The following CFAP61 variants were observed in gnomAD, a reference collection of about 807,000 sequenced individuals.
CFAP61 encodes the protein cilia and flagella associated protein 61, also known as cilia- and flagella-associated protein 61.
CFAP61 carries 107 observed loss-of-function variants against 135.6 expected under a neutral mutation model. The observed-to-expected ratio is 0.79, with a 90% confidence interval of 0.67 to 0.93. The LOEUF is 0.93. CFAP61 is among the 40% of genes least tolerant of loss of function. CFAP61 has a pLI of 0.00. For missense variants in CFAP61, 1,507 were observed against 1,556.2 expected (o/e 0.97, Z 0.53); for synonymous variants, 575 against 578.5 (o/e 0.99, Z 0.09).
intron 2 of CFAP61, among the ~76,000 whole-genome samples, chr20:20,064,032 A>ACCCCCCCCCCCCCCCCCCC (rs373522191): frequency 1.8e-5 from 2 of 113,222 alleles, no homozygotes; most frequent in Non-Finnish European, 3.9e-5. Context: ...AAATAGAGTA[A>ACCCCCCCCCCCCCCCCCCC]CCGCCCCCCA....
At chr20:20,333,591 C>T (rs954832072) in intron 25 of CFAP61, among the ~76,000 whole-genome samples, 1 of 152,142 alleles carries the variant, frequency 6.6e-6, no homozygotes, top group Admixed American at 6.5e-5. Context: ...GAGATCAGAG[C>T]AAGGAGAGAA....
At chr20:20,182,002 TCCAATGAGCCA>T (rs2055136904) in intron 13 of CFAP61, among the ~76,000 whole-genome samples, 3 of 152,216 alleles carry the variant, frequency 2.0e-5, no homozygotes, top group East Asian at 3.8e-4. Flanking sequence ...TTTAGGTGCA[TCCAATGAGCCA>T]CCATCTTCTG....
At chr20:20,090,688 CAAAAAAA>C (rs138798717) in intron 6 of CFAP61, among the ~76,000 whole-genome samples, 149 bp from the exon 7 acceptor site, 11 of 102,954 alleles carry the variant, frequency 1.1e-4, no homozygotes, top group East Asian at 3.0e-4. Context: ...GACTCCCTCT[CAAAAAAA>C]AAAAAAAAAA....
chr20:20,259,246 T>A (rs960418380), intron 20 of CFAP61, among the ~76,000 whole-genome samples: 3 of 12,188 alleles, frequency 2.5e-4, no homozygotes, highest in African/African-American at 4.1e-4. Flanking sequence ...CCCTTCCATC[T>A]TTTTTTTTTT....
At chr20:20,231,021 C>G (rs183525292) in intron 18 of CFAP61, among the ~76,000 whole-genome samples, 2 of 152,290 alleles carry the variant, frequency 1.3e-5, no homozygotes, top group Admixed American at 6.5e-5. Context: ...TATTTCCATG[C>G]AAGAAATTAT....
At chr20:20,169,222 A>T in intron 12 of CFAP61, 99 bp from the exon 13 acceptor site, 1 of 1,152,874 alleles carries the variant, frequency 8.7e-7, no homozygotes. Flanking sequence ...CTTAATCAAC[A>T]CATTTTGCTT....
chr20:20,311,304 T>C (rs2056812821), intron 25 of CFAP61, among the ~76,000 whole-genome samples: 1 of 152,198 alleles, frequency 6.6e-6, no homozygotes, highest in Non-Finnish European at 1.5e-5. Context: ...GGAGCAGATG[T>C]TGTGGAATTC....
At chr20:20,187,167 G>A (rs114618085) in intron 13 of CFAP61, among the ~76,000 whole-genome samples, 47 of 152,312 alleles carry the variant, frequency 3.1e-4, no homozygotes, top group African/African-American at 1.1e-3. Flanking sequence ...CATGTGTCAT[G>A]TAGCTGACTC....
chr20:20,115,934 G>T (rs912202276), intron 8 of CFAP61, among the ~76,000 whole-genome samples: 19 of 152,136 alleles, frequency 1.2e-4, no homozygotes, highest in African/African-American at 4.6e-4. Flanking sequence ...GTACTGATTT[G>T]ATTTCTTTTG....
intron 25 of CFAP61, among the ~76,000 whole-genome samples, chr20:20,316,151 T>C (rs1467884066): frequency 6.6e-6 from 1 of 151,926 alleles, no homozygotes; most frequent in Non-Finnish European, 1.5e-5. Context: ...TTTCACGATA[T>C]TGATTCTTCC....
chr20:20,118,794 T>C (rs2049380142), intron 8 of CFAP61, among the ~76,000 whole-genome samples: 1 of 152,186 alleles, frequency 6.6e-6, no homozygotes, highest in South Asian at 2.1e-4. Flanking sequence ...TTTATTGATT[T>C]GTGTACATTG....
In CFAP61 at chr20:20,070,895, A is replaced by G. The variant is rs763329044; in HGVS notation, c.185A>G (p.Glu62Gly). The G allele has an allele frequency of 4.3e-6, 7 of 1,614,066 alleles. No homozygotes were observed. The highest frequency in any genetic ancestry group is 3.3e-5 in the Admixed American group (2 of 60,014). Residue 62 changes from glutamate to glycine, a missense_variant, in exon 3 of 27, where the codon GAG (glutamate) becomes GGG (glycine). Transcript: ENST00000245957. The part of the protein sequence containing the change: ...NLAVTLCNDK[E>G]EIMAQATFLD... Reference sequence around the variant, plus strand: ...GCTGTTACCCTCTGCAATGACAAGGAGGAGATCATGGCCCAGGCCACCTTC... The same window carrying G: ...GCTGTTACCCTCTGCAATGACAAGGGGGAGATCATGGCCCAGGCCACCTTC...
At chr20:20,153,602 G>A (rs1369431799) in intron 9 of CFAP61, among the ~76,000 whole-genome samples, 2 of 151,894 alleles carry the variant, frequency 1.3e-5, no homozygotes, top group African/African-American at 4.8e-5. Flanking sequence ...GCACAAACTA[G>A]AAAATCTTGA....
intron 4 of CFAP61, among the ~76,000 whole-genome samples, chr20:20,074,979 C>T (rs1244893686): frequency 1.3e-5 from 2 of 152,052 alleles, no homozygotes; most frequent in East Asian, 1.9e-4. Flanking sequence ...TGGGACAGAT[C>T]GAAAAGGGGC....
intron 21 of CFAP61, among the ~76,000 whole-genome samples, chr20:20,272,674 C>A (rs2147033317): frequency 6.6e-6 from 1 of 152,258 alleles, no homozygotes; most frequent in Non-Finnish European, 1.5e-5. Flanking sequence ...TTTGTCCCGC[C>A]CAGCAGCTGC....
At chr20:20,076,820 C>G (rs1047313206) in intron 6 of CFAP61, among the ~76,000 whole-genome samples, 1 of 152,156 alleles carries the variant, frequency 6.6e-6, no homozygotes, top group South Asian at 2.1e-4. Context: ...GATCTGGATT[C>G]TGATCTTGGC....
chr20:20,080,086 CA>C (rs2146589883), intron 6 of CFAP61, among the ~76,000 whole-genome samples: 1 of 151,902 alleles, frequency 6.6e-6, no homozygotes, highest in South Asian at 2.1e-4. Flanking sequence ...TTTTTTATGC[CA>C]TTTACTAATT....
chr20:20,123,243 TC>T (rs1297232945), intron 8 of CFAP61, among the ~76,000 whole-genome samples: 4 of 151,838 alleles, frequency 2.6e-5, no homozygotes, highest in African/African-American at 9.7e-5. Flanking sequence ...TGCTAACCGT[TC>T]CTTTTGCCAT....
intron 19 of CFAP61, among the ~76,000 whole-genome samples, chr20:20,249,435 A>G (rs553127286): frequency 1.3e-5 from 2 of 152,074 alleles, no homozygotes; most frequent in South Asian, 2.1e-4. Flanking sequence ...GCTGCTCGAG[A>G]GTCTGAGCGG....
Sources: gnomAD v4.1 joint callset for allele counts (sites outside exome capture counted in the v4.1 genomes callset) on GRCh38, gnomAD v4.1.1 for gene constraint, MANE v1.5 for transcripts, NCBI Gene and HGNC (gene_info 2026-07-23, HGNC 2026-07-21) for gene names.